The following STK4 variants were observed in gnomAD, a reference collection of about 807,000 sequenced individuals.
The protein encoded by STK4 is serine/threonine-protein kinase 4.
STK4 carries 30 observed loss-of-function variants against 64.9 expected under a neutral mutation model. That is an observed-to-expected ratio of 0.46 (90% confidence interval 0.35 to 0.63). The LOEUF is 0.63. Among genes scored for constraint, STK4 ranks in the 20% least tolerant of loss-of-function variants. The probability of loss-of-function intolerance (pLI) is 0.01; values close to 1 mark genes in which losing one functional copy is unlikely to be tolerated. For missense variants in STK4, 466 were observed against 598.5 expected, an observed-to-expected ratio of 0.78 and a Z score of 2.31; for synonymous variants, 177 against 199.0, an observed-to-expected ratio of 0.89 and a Z score of 0.93.
intron 10 of STK4, among the ~76,000 whole-genome samples, chr20:45,063,169 A>G (rs1979248579): frequency 1.4e-5 from 2 of 147,654 alleles, no homozygotes; most frequent in Non-Finnish European, 3.0e-5. Context: ...ACACCTGGCT[A>G]ATTGTTTTTG....
Position 44,987,120 on chromosome 20 carries a change from T to C in STK4, c.361-12T>C. On this transcript the variant is annotated splice_polypyrimidine_tract_variant and intron_variant, in intron 4 of 10. Coordinates refer to ENST00000372806, the MANE Select transcript of STK4 (RefSeq NM_006282.5). ...AAACTGATAGAATTTGAACTTCTTATTCTTTTTTCAGTTAACAGAAGATGA... is the reference window on the plus strand; with the variant it reads ...AAACTGATAGAATTTGAACTTCTTACTCTTTTTTCAGTTAACAGAAGATGA... 3 of 1,575,936 alleles carry C rather than the reference T, an allele frequency of 1.9e-6. No individual in the cohort carries two copies. The highest frequency in any genetic ancestry group is 1.4e-5 in the African/African-American group (1 of 72,868).
intron 10 of STK4, among the ~76,000 whole-genome samples, chr20:45,040,197 A>G (rs2068590999): frequency 6.6e-6 from 1 of 152,030 alleles, no homozygotes; most frequent in South Asian, 2.1e-4. Context: ...ATTAGAGGTT[A>G]CAAAGTGGTG....
chr20:45,064,111 G>T (rs574193390), intron 10 of STK4, among the ~76,000 whole-genome samples: 7 of 151,936 alleles, frequency 4.6e-5, no homozygotes, highest in South Asian at 4.2e-4. Context: ...CCCGGCCAAG[G>T]GGGGGGGTCC....
chr20:45,061,872 CTTTTT>C (rs71197598), intron 10 of STK4, among the ~76,000 whole-genome samples: 65 of 115,070 alleles, frequency 5.6e-4, no homozygotes, highest in African/African-American at 1.9e-3. Flanking sequence ...TCTTCTTCTT[CTTTTT>C]TTTTTTTTTT....
chr20:44,971,156 AT>A (rs1718586400), intron 1 of STK4, among the ~76,000 whole-genome samples: 1 of 151,022 alleles, frequency 6.6e-6, no homozygotes, highest in Non-Finnish European at 1.5e-5. Flanking sequence ...CTTTAAGCTC[AT>A]TAGTAATTTT....
At chr20:44,997,906 C>T (rs901836293) in intron 7 of STK4, among the ~76,000 whole-genome samples, 3 of 152,158 alleles carry the variant, frequency 2.0e-5, no homozygotes, top group Non-Finnish European at 2.9e-5. Context: ...ATCACATAGA[C>T]CCTGTGAAGG....
chr20:45,033,355 T>C (rs1411068916), intron 10 of STK4, among the ~76,000 whole-genome samples: 1 of 152,212 alleles, frequency 6.6e-6, no homozygotes, highest in Non-Finnish European at 1.5e-5. Flanking sequence ...CCAGGTCCTA[T>C]ATCCAGAATG....
At chr20:45,026,062 A>C (rs538625856) in intron 10 of STK4, among the ~76,000 whole-genome samples, 1 of 148,158 alleles carries the variant, frequency 6.7e-6, no homozygotes, top group Non-Finnish European at 1.5e-5. Context: ...TTAGTCACTG[A>C]ACCCATGATA....
At chr20:45,017,515 T>A (rs1485225481) in intron 9 of STK4, among the ~76,000 whole-genome samples, 1 of 152,210 alleles carries the variant, frequency 6.6e-6, no homozygotes, top group Non-Finnish European at 1.5e-5. Context: ...TGTGTTTTCA[T>A]TATTCAGGTT....
At chr20:45,023,556 G>A (rs1051134949) in intron 9 of STK4, among the ~76,000 whole-genome samples, 2 of 152,104 alleles carry the variant, frequency 1.3e-5, no homozygotes, top group Non-Finnish European at 2.9e-5. Flanking sequence ...GGAAAGCAAT[G>A]AAAAATACTT....
intron 4 of STK4, among the ~76,000 whole-genome samples, chr20:44,984,482 G>A (rs369507551): frequency 1.3e-5 from 2 of 152,028 alleles, no homozygotes; most frequent in East Asian, 1.9e-4. Flanking sequence ...GATTACAGGC[G>A]TGAGCCACCG....
At chr20:45,056,175 C>T (rs534026320) in intron 10 of STK4, among the ~76,000 whole-genome samples, 2 of 152,248 alleles carry the variant, frequency 1.3e-5, no homozygotes, top group East Asian at 3.9e-4. Context: ...ATAGAACATG[C>T]TCCTTTTAAG....
chr20:45,050,255 G>A (rs1290847427), intron 10 of STK4, among the ~76,000 whole-genome samples: 2 of 152,112 alleles, frequency 1.3e-5, no homozygotes, highest in Admixed American at 6.5e-5. Context: ...ACTGAAATGG[G>A]TCTGAGTTCT....
At chr20:44,988,986 G>A (rs187365290) in intron 5 of STK4, among the ~76,000 whole-genome samples, 17 of 152,094 alleles carry the variant, frequency 1.1e-4, no homozygotes, top group Admixed American at 1.0e-3. Flanking sequence ...TTATTGCTCA[G>A]TAATATTCCA....
chr20:45,037,313 G>A (rs2068542733), intron 10 of STK4, among the ~76,000 whole-genome samples: 1 of 152,126 alleles, frequency 6.6e-6, no homozygotes. Flanking sequence ...TGTGCAAAAG[G>A]GGAGGAAGGG....
chr20:45,038,969 A>C (rs903573651), intron 10 of STK4, among the ~76,000 whole-genome samples: 1 of 152,040 alleles, frequency 6.6e-6, no homozygotes, highest in Non-Finnish European at 1.5e-5. Flanking sequence ...GTTGTAATAC[A>C]TTGTTCTGTT....
intron 5 of STK4, among the ~76,000 whole-genome samples, chr20:44,991,903 A>G (rs931783180): frequency 6.6e-6 from 1 of 152,164 alleles, no homozygotes; most frequent in African/African-American, 2.4e-5. Flanking sequence ...AGCTCAAGCA[A>G]TCTGCCCCCC....
intron 10 of STK4, among the ~76,000 whole-genome samples, chr20:45,071,521 C>G (rs1235635144): frequency 6.6e-6 from 1 of 152,112 alleles, no homozygotes; most frequent in Non-Finnish European, 1.5e-5. Context: ...GTTCTTAGGA[C>G]AGCCATAAAT....
chr20:44,967,058 G>A lies in STK4; in HGVS notation c.35+455G>A, dbSNP rs893978919. On this transcript the variant is annotated intron_variant, in intron 1 of 10. Coordinates refer to ENST00000372806, the MANE Select transcript of STK4 (RefSeq NM_006282.5). ...GTCCCACTTGAGGGGTGCGGTGGGGGGATCTGTGGAGGGGAAAAGCTTTGC... is the reference window on the plus strand; with the variant it reads ...GTCCCACTTGAGGGGTGCGGTGGGGAGATCTGTGGAGGGGAAAAGCTTTGC... The A allele has an allele frequency of 2.2e-5, 17 of 784,602 alleles. No individual in the cohort carries two copies. In the African/African-American group the frequency reaches 2.3e-4, roughly 10 times the overall value. 48.6% of individuals were successfully genotyped at this position (784,602 alleles called of 1,614,324 possible). A position where few individuals can be genotyped will look rare whatever the true frequency, so the allele number is the denominator to read the frequency against.
Sources: allele counts gnomAD v4.1 joint callset (sites outside exome capture counted in the v4.1 genomes callset), GRCh38; gene constraint gnomAD v4.1.1; transcripts MANE v1.5; gene names NCBI Gene and HGNC (gene_info 2026-07-23, HGNC 2026-07-21).